The following SEMA5A variants were observed in gnomAD, a reference collection of about 807,000 sequenced individuals.
The protein encoded by SEMA5A is semaphorin-5A.
A neutral mutation model predicts 135.5 loss-of-function variants in SEMA5A; 55 were observed. The observed-to-expected ratio is 0.41, with a 90% CI of 0.33 to 0.51. The LOEUF (loss-of-function observed/expected upper bound fraction) is 0.51. SEMA5A is among the 20% of genes least tolerant of loss of function. SEMA5A has a pLI of 0.37. For synonymous variants in SEMA5A, 580 were observed against 546.5 expected (o/e 1.06, Z -0.85); for missense variants, 1,290 against 1,419.9 (o/e 0.91, Z 1.47).
intron 16 of SEMA5A, among the ~76,000 whole-genome samples, chr5:9,092,149 C>A (rs1004614817): frequency 1.3e-5 from 2 of 152,180 alleles, no homozygotes; most frequent in Non-Finnish European, 2.9e-5. Flanking sequence ...CTGAGCGATG[C>A]CTCATACTCA....
rs188520407 is a variant in SEMA5A at position 9,218,406 on chromosome 5, T to C, written c.646+6268A>G. On this transcript the variant is annotated intron_variant, in intron 8 of 22. Coordinates refer to ENST00000382496, the MANE Select transcript of SEMA5A (RefSeq NM_003966.3). ...TTTGGGCAGAACAGTGCCCAGTATA[T>C]GAGCACGCAGTAAAAGTTAGTGACT... is the stretch of plus-strand genomic sequence containing the variant. Among the ~76,000 whole-genome samples the C allele has an allele frequency of 4.8e-3, 727 of 152,276 alleles. 7 individuals carry two copies. The highest frequency in any genetic ancestry group is 6.7e-3 in the Non-Finnish European group (453 of 68,022).
intron 17 of SEMA5A, among the ~76,000 whole-genome samples, chr5:9,063,772 G>A (rs1737311115): frequency 6.6e-6 from 1 of 152,218 alleles, no homozygotes; most frequent in Non-Finnish European, 1.5e-5. Context: ...GGCAGCAGCA[G>A]CAGCAGGTGG....
intron 8 of SEMA5A, among the ~76,000 whole-genome samples, chr5:9,223,070 G>A (rs1238442039): frequency 2.0e-5 from 3 of 152,232 alleles, no homozygotes; most frequent in Admixed American, 6.5e-5. Context: ...AAGCTGCACA[G>A]ATGAAAGTTT....
intron 5 of SEMA5A, among the ~76,000 whole-genome samples, chr5:9,284,062 A>C (rs2150570425): frequency 6.6e-6 from 1 of 152,262 alleles, no homozygotes; most frequent in South Asian, 2.1e-4. Context: ...ATGATAGATA[A>C]CAGATGATAG....
chr5:9,397,293 CA>C (rs1246547376), intron 2 of SEMA5A, among the ~76,000 whole-genome samples: 1 of 152,178 alleles, frequency 6.6e-6, no homozygotes, highest in Non-Finnish European at 1.5e-5. Flanking sequence ...GAAATATAAA[CA>C]TACATTTCTA....
At chr5:9,081,059 T>TGGTG (rs1201648660) in intron 16 of SEMA5A, among the ~76,000 whole-genome samples, 1 of 152,158 alleles carries the variant, frequency 6.6e-6, no homozygotes, top group Non-Finnish European at 1.5e-5. Flanking sequence ...AGTTGCCTTG[T>TGGTG]GGTGAGTGGC....
intron 2 of SEMA5A, among the ~76,000 whole-genome samples, chr5:9,397,792 G>C (rs1756469939): frequency 6.6e-6 from 1 of 152,210 alleles, no homozygotes; most frequent in African/African-American, 2.4e-5. Context: ...AATAAGTCCA[G>C]TCCCCATAAA....
rs540001214 is a variant in SEMA5A, at chr5:9,286,741, C to G, written c.270+31631G>C. ...ATACACACATACACACACACACACA[C>G]ACGTGAATTTTTATAATTAAGTATA... On this transcript the variant is annotated intron_variant, in intron 5 of 22. Coordinates refer to ENST00000382496, the MANE Select transcript of SEMA5A (RefSeq NM_003966.3). Among the ~76,000 whole-genome samples the G allele has an allele frequency of 2.8e-3, 433 of 152,258 alleles. 1 individual carries two copies. The highest frequency in any genetic ancestry group is 9.9e-3 in the African/African-American group (410 of 41,558).
intron 3 of SEMA5A, among the ~76,000 whole-genome samples, chr5:9,340,632 A>T (rs1254094244): frequency 6.6e-6 from 1 of 152,212 alleles, no homozygotes; most frequent in Non-Finnish European, 1.5e-5. Context: ...AACAGCATGT[A>T]GTTCTGTCAA....
At chr5:9,086,755 C>T (rs946262433) in intron 16 of SEMA5A, among the ~76,000 whole-genome samples, 3 of 152,178 alleles carry the variant, frequency 2.0e-5, no homozygotes, top group African/African-American at 7.2e-5. Context: ...GAAGTGATGA[C>T]ATCATGACCC....
At chr5:9,094,656 T>G (rs986365652) in intron 16 of SEMA5A, among the ~76,000 whole-genome samples, 1 of 152,216 alleles carries the variant, frequency 6.6e-6, no homozygotes, top group Non-Finnish European at 1.5e-5. Flanking sequence ...TAAGACAGAT[T>G]TCACAGTCCT....
chr5:9,223,260 C>A (rs1444968468), intron 8 of SEMA5A, among the ~76,000 whole-genome samples: 1 of 152,124 alleles, frequency 6.6e-6, no homozygotes, highest in African/African-American at 2.4e-5. Flanking sequence ...CGAGGACATC[C>A]TTTTTTTCCT....
At chr5:9,443,245 G>T (rs1292781115) in intron 1 of SEMA5A, among the ~76,000 whole-genome samples, 1 of 152,120 alleles carries the variant, frequency 6.6e-6, no homozygotes, top group East Asian at 1.9e-4. Context: ...GTGGCTGGGG[G>T]TCCTTGGAAA....
intron 6 of SEMA5A, among the ~76,000 whole-genome samples, chr5:9,230,247 G>A (rs1236059451): frequency 7.2e-6 from 1 of 139,524 alleles, no homozygotes; most frequent in Non-Finnish European, 1.5e-5. Flanking sequence ...GGATCCTCCT[G>A]CCTTGTCCTC....
intron 5 of SEMA5A, among the ~76,000 whole-genome samples, chr5:9,246,645 A>C (rs1372945066): frequency 6.6e-6 from 1 of 152,222 alleles, no homozygotes; most frequent in African/African-American, 2.4e-5. Flanking sequence ...GTTATGAAAA[A>C]TGTCACACCA....
intron 13 of SEMA5A, 54 bp downstream of exon 13, chr5:9,136,450 G>A (rs1159885856): frequency 3.4e-6 from 5 of 1,454,650 alleles, no homozygotes; most frequent in South Asian, 1.1e-5. Context: ...ATCGCCAGGG[G>A]AGCATGGCTC....
intron 1 of SEMA5A, among the ~76,000 whole-genome samples, chr5:9,448,821 G>C (rs1758528029): frequency 6.6e-6 from 1 of 152,186 alleles, no homozygotes; most frequent in African/African-American, 2.4e-5. Context: ...GACATGTGAT[G>C]CTGGCTTTTC....
chr5:9,509,086 G>A (rs62342577), intron 1 of SEMA5A, among the ~76,000 whole-genome samples: 9,210 of 151,980 alleles, frequency 0.061, 367 homozygotes, highest in South Asian at 0.089. Context: ...GTGGGTACAA[G>A]GTGGTGCTTT....
intron 3 of SEMA5A, among the ~76,000 whole-genome samples, chr5:9,342,656 C>T (rs564212170): frequency 5.9e-5 from 9 of 152,284 alleles, no homozygotes; most frequent in African/African-American, 1.2e-4. Flanking sequence ...GTTATGTAAC[C>T]GATTTAGTCT....
Sources: allele counts gnomAD v4.1 joint callset (sites outside exome capture counted in the v4.1 genomes callset), GRCh38; gene constraint gnomAD v4.1.1; transcripts MANE v1.5; gene names NCBI Gene and HGNC (gene_info 2026-07-23, HGNC 2026-07-21).